XKR4: variants seen among roughly 807,000 people sequenced by gnomAD.
The protein encoded by XKR4 is XK-related protein 4.
A neutral mutation model predicts 53.9 loss-of-function variants in XKR4; 12 were observed. The observed-to-expected ratio is 0.22, with a 90% CI of 0.14 to 0.36. The LOEUF (loss-of-function observed/expected upper bound fraction) is 0.36, where lower values mean the gene tolerates loss of function less well. Among genes scored for constraint, XKR4 ranks in the 10% least tolerant of loss-of-function variants. The probability of loss-of-function intolerance (pLI) is 1.00; values close to 1 mark genes in which losing one functional copy is unlikely to be tolerated. For missense variants in XKR4, 799 were observed against 859.5 expected (o/e 0.93, Z 0.88); for synonymous variants, 354 against 362.4 (o/e 0.98, Z 0.26).
At chr8:55,487,647 T>C (rs888693759) in intron 2 of XKR4, among the ~76,000 whole-genome samples, 1 of 152,104 alleles carries the variant, frequency 6.6e-6, no homozygotes, top group African/African-American at 2.4e-5. Flanking sequence ...TTTTGTATTT[T>C]TAGTAGAGAT....
intron 2 of XKR4, among the ~76,000 whole-genome samples, chr8:55,518,913 A>AT (rs1563371815): frequency 3.3e-5 from 5 of 152,020 alleles, no homozygotes; most frequent in African/African-American, 1.2e-4. Context: ...AGAGAAAAAA[A>AT]TCACACCAAT....
At chr8:55,371,238 T>C (rs115336480) in intron 2 of XKR4, among the ~76,000 whole-genome samples, 2,018 of 151,922 alleles carry the variant, frequency 0.013, 34 homozygotes, top group African/African-American at 0.046. Flanking sequence ...AATGATATTC[T>C]GTAAGGAAAA....
In XKR4 at chr8:55,464,103, G is replaced by A. The variant is rs144060171; in HGVS notation, c.1007-59178G>A. On this transcript the variant is annotated intron_variant, in intron 2 of 2. Transcript: ENST00000327381. ...ACTATTCCAATCTATAGAAAAAGAG[G>A]GAATCCTCCCTAACTCATTTTATGT... is the stretch of plus-strand genomic sequence containing the variant. Among the ~76,000 whole-genome samples, 173 of 152,158 alleles carry A rather than the reference G, an allele frequency of 1.1e-3. No homozygotes were observed. The East Asian group carries it at 0.012, about 11-fold the overall frequency.
intron 2 of XKR4, chr8:55,453,083 G>C (rs1246330497): frequency 1.8e-6 from 1 of 569,524 alleles, no homozygotes; most frequent in South Asian, 1.5e-5. Flanking sequence ...TCCTCGGTGG[G>C]CTCCAGGTAA....
intron 2 of XKR4, among the ~76,000 whole-genome samples, chr8:55,373,250 G>A (rs62519120): frequency 0.045 from 6,785 of 152,146 alleles, 228 homozygotes; most frequent in Middle Eastern, 0.065. Context: ...CACTGCACCC[G>A]CCACCTCCGG....
intron 2 of XKR4, among the ~76,000 whole-genome samples, chr8:55,397,684 C>T (rs1341362054): frequency 1.3e-5 from 2 of 152,118 alleles, no homozygotes; most frequent in African/African-American, 4.8e-5. Flanking sequence ...GTGCACACGA[C>T]TCCCAAGCCC....
At chr8:55,471,726 T>C (rs964478282) in intron 2 of XKR4, among the ~76,000 whole-genome samples, 4 of 152,058 alleles carry the variant, frequency 2.6e-5, no homozygotes, top group Admixed American at 2.6e-4. Flanking sequence ...TCATGAATGG[T>C]TAACACCATC....
chr8:55,406,181 G>A (rs75535429), intron 2 of XKR4, among the ~76,000 whole-genome samples: 2 of 151,996 alleles, frequency 1.3e-5, no homozygotes, highest in Non-Finnish European at 2.9e-5. Context: ...TGATAATGAG[G>A]GCAATCAGGG....
At chr8:55,474,195 C>A (rs1805941097) in intron 2 of XKR4, among the ~76,000 whole-genome samples, 1 of 152,140 alleles carries the variant, frequency 6.6e-6, no homozygotes, top group South Asian at 2.1e-4. Context: ...CAGGCATCAG[C>A]CACCATTCCT....
At chr8:55,106,124 A>G (rs905898687) in intron 1 of XKR4, among the ~76,000 whole-genome samples, 9 of 152,208 alleles carry the variant, frequency 5.9e-5, no homozygotes, top group Admixed American at 3.9e-4. Context: ...TCAATAAAAT[A>G]GATTTTAGCT....
At position 55,531,891 on chromosome 8, in the gene XKR4, C is replaced by T. The variant is rs554154127; in HGVS notation, c.*7664C>T. On this transcript the variant is annotated 3_prime_UTR_variant, in exon 3 of 3. Coordinates refer to ENST00000327381, the MANE Select transcript of XKR4 (RefSeq NM_052898.2). ...GCCTTTCCTCCAATGCCCAGAAGAGCAGCACTGTGCTGCGTGACAATTTCA... is the reference window on the plus strand; with the variant it reads ...GCCTTTCCTCCAATGCCCAGAAGAGTAGCACTGTGCTGCGTGACAATTTCA... 4.6e-5 allele frequency: 7 copies of T among 152,454 alleles called. No homozygotes were observed. In the South Asian group the frequency reaches 1.4e-3, roughly 32 times the overall value. The allele number at this position is 152,454 out of a possible 1,614,324, so 9.4% of individuals were successfully genotyped here.
intron 2 of XKR4, among the ~76,000 whole-genome samples, chr8:55,476,866 G>A (rs1805996463): frequency 6.6e-6 from 1 of 152,128 alleles, no homozygotes; most frequent in Admixed American, 6.5e-5. Flanking sequence ...CCATTACCCA[G>A]GCTTGATTAG....
Position 55,359,498 on chromosome 8 carries a change from C to A in XKR4, c.1006+1621C>A, listed in dbSNP as rs371310205. On this transcript the variant is annotated intron_variant, in intron 2 of 2. Coordinates refer to ENST00000327381, the MANE Select transcript of XKR4 (RefSeq NM_052898.2). ...TACAAATGAAATTGAAAGGCAACAT[C>A]AAACTAAATCTCTGTCATGAATTTA... Among the ~76,000 whole-genome samples the A allele has an allele frequency of 1.3e-4, 20 of 152,258 alleles. No homozygotes were observed. The South Asian group carries it at 4.1e-3, about 32-fold the overall frequency.
intron 1 of XKR4, among the ~76,000 whole-genome samples, chr8:55,254,828 A>C (rs1818414923): frequency 6.6e-6 from 1 of 152,094 alleles, no homozygotes; most frequent in Non-Finnish European, 1.5e-5. Flanking sequence ...TGGGTTAAAA[A>C]CTTCCTGACT....
In XKR4 at chr8:55,465,278, C is replaced by T. The variant is rs1457219676; in HGVS notation, c.1007-58003C>T. Among the ~76,000 whole-genome samples, 10 of 152,138 alleles carry T rather than the reference C, an allele frequency of 6.6e-5. No homozygotes were observed. In the East Asian group the frequency reaches 1.7e-3, roughly 26 times the overall value. Reference sequence around the variant, plus strand: ...TAACCAAAACAGCATGGTACTGGTACCAAAACAGAGATATAGACCAAAGGA... The same window carrying T: ...TAACCAAAACAGCATGGTACTGGTATCAAAACAGAGATATAGACCAAAGGA... On this transcript the variant is annotated intron_variant, in intron 2 of 2. Transcript: ENST00000327381.
intron 1 of XKR4, among the ~76,000 whole-genome samples, chr8:55,150,538 C>A (rs576841347): frequency 1.6e-4 from 25 of 152,250 alleles, no homozygotes; most frequent in Admixed American, 1.2e-3. Flanking sequence ...TCTCCCATTC[C>A]TCAGCTCACC....
intron 1 of XKR4, among the ~76,000 whole-genome samples, chr8:55,331,376 G>A (rs1161102247): frequency 1.3e-5 from 2 of 152,112 alleles, no homozygotes; most frequent in Non-Finnish European, 2.9e-5. Flanking sequence ...CCTAACATAT[G>A]GTCTGTTCTA....
At chr8:55,103,330 G>T (rs1259689722) in intron 1 of XKR4, 36 bp downstream of exon 1, 3 of 1,556,336 alleles carry the variant, frequency 1.9e-6, no homozygotes, top group Non-Finnish European at 2.6e-6. Flanking sequence ...GAGGCTTGCT[G>T]CTGCTACTAC....
chr8:55,180,208 G>A (rs571979632), intron 1 of XKR4, among the ~76,000 whole-genome samples: 1 of 152,314 alleles, frequency 6.6e-6, no homozygotes, highest in African/African-American at 2.4e-5. Flanking sequence ...ACACATTTCA[G>A]CATTTGTTGA....
Sources: gnomAD v4.1 joint callset for allele counts (sites outside exome capture counted in the v4.1 genomes callset) on GRCh38, gnomAD v4.1.1 for gene constraint, MANE v1.5 for transcripts, NCBI Gene and HGNC (gene_info 2026-07-23, HGNC 2026-07-21) for gene names.